KCNJ6: variants seen among roughly 807,000 people sequenced by gnomAD.
KCNJ6 encodes the protein G protein-activated inward rectifier potassium channel 2.
KCNJ6 carries 9 observed loss-of-function variants against 34.2 expected under a neutral mutation model. The observed-to-expected ratio is 0.26, with a 90% CI of 0.16 to 0.46. The LOEUF (loss-of-function observed/expected upper bound fraction) is 0.46, where lower values mean the gene tolerates loss of function less well. KCNJ6 is among the 20% of genes least tolerant of loss of function. The pLI is 1.00. For missense variants in KCNJ6, 236 were observed against 531.3 expected, an observed-to-expected ratio of 0.44 and a Z score of 5.46; for synonymous variants, 196 against 207.1, an observed-to-expected ratio of 0.95 and a Z score of 0.46.
chr21:37,870,789 G>C (rs1303511323), intron 1 of KCNJ6, among the ~76,000 whole-genome samples: 2 of 152,146 alleles, frequency 1.3e-5, no homozygotes, highest in Non-Finnish European at 2.9e-5. Context: ...ATCAAAGGGT[G>C]ATCTGATGAT....
intron 2 of KCNJ6, among the ~76,000 whole-genome samples, chr21:37,749,256 C>T (rs58940916): frequency 0.57 from 86,087 of 151,910 alleles, 24,812 homozygotes; most frequent in South Asian, 0.68. Flanking sequence ...GGAAGTAGCA[C>T]TGGCATCACT....
At chr21:37,914,846 G>T (rs1385574503) in intron 1 of KCNJ6, among the ~76,000 whole-genome samples, 2 of 151,984 alleles carry the variant, frequency 1.3e-5, no homozygotes, top group East Asian at 3.9e-4. Flanking sequence ...GACAGACTTT[G>T]GATAACAGCA....
intron 2 of KCNJ6, among the ~76,000 whole-genome samples, chr21:37,797,930 T>G (rs2055251281): frequency 6.6e-6 from 1 of 152,234 alleles, no homozygotes; most frequent in Non-Finnish European, 1.5e-5. Context: ...ACCTTTGGAT[T>G]TTTTGTAGGT....
At chr21:37,685,706 A>G (rs4817886) in intron 3 of KCNJ6, among the ~76,000 whole-genome samples, 13,316 of 50,944 alleles carry the variant, frequency 0.26, 4,067 homozygotes, top group African/African-American at 0.53. Context: ...AAAAAAAAAA[A>G]AATCTATCCT....
Position 37,607,482 on chromosome 21 carries a change from A to ATATATATATTTTTTT in KCNJ6, c.*17676_*17677insAAAAAAATATATATA. On this transcript the variant is annotated 3_prime_UTR_variant, in exon 4 of 4. Transcript: ENST00000609713. ...CTTAAAGATATATATATATATATAT[A>ATATATATATTTTTTT]TTTTTTTTTTATTTTAAAAAAATTT... 1.8e-4 allele frequency: 25 copies of ATATATATATTTTTTT among 136,760 alleles called. No homozygotes were observed. The highest frequency in any genetic ancestry group is 1.7e-3 in the South Asian group (7 of 4,158). The allele number at this position is 136,760 out of a possible 1,614,324, so 8.5% of individuals were successfully genotyped here. A position where few individuals can be genotyped will look rare whatever the true frequency, so the allele number is the denominator to read the frequency against.
At chr21:37,880,039 A>G (rs1002032026) in intron 1 of KCNJ6, among the ~76,000 whole-genome samples, 4 of 151,390 alleles carry the variant, frequency 2.6e-5, no homozygotes, top group Admixed American at 1.3e-4. Flanking sequence ...CAGGTGGATC[A>G]TTTGAGGTCA....
At chr21:37,819,160 G>A (rs2055362102) in intron 2 of KCNJ6, among the ~76,000 whole-genome samples, 1 of 152,008 alleles carries the variant, frequency 6.6e-6, no homozygotes, top group African/African-American at 2.4e-5. Context: ...AGTTTCTTCT[G>A]TTGTTCAGAA....
Position 37,748,257 on chromosome 21 carries a change from C to T in KCNJ6, c.26-33126G>A, listed in dbSNP as rs13051404. Among the ~76,000 whole-genome samples, 923 of 152,268 alleles carry T rather than the reference C, an allele frequency of 6.1e-3. 5 individuals carry two copies. Among genetic ancestry groups the T allele is most frequent in the Non-Finnish European group, 9.5e-3 (649 of 68,018 alleles). On this transcript the variant is annotated intron_variant, in intron 2 of 3. Coordinates refer to ENST00000609713, the MANE Select transcript of KCNJ6 (RefSeq NM_002240.5). ...AGGAAAATTAAGGGTTGTGATGTAT[C>T]TTGCACCTGAGGGTGGTGAGCAGAT... is the stretch of plus-strand genomic sequence containing the variant.
chr21:37,706,909 ATT>A (rs2054722719), intron 3 of KCNJ6, among the ~76,000 whole-genome samples: 1 of 152,260 alleles, frequency 6.6e-6, no homozygotes, highest in South Asian at 2.1e-4. Flanking sequence ...TAGAAATCAT[ATT>A]GTTTTCAAAT....
Position 37,814,669 on chromosome 21 carries a change from C to T in KCNJ6, c.25+25989G>A, listed in dbSNP as rs971915871. 3.3e-5 allele frequency among the ~76,000 whole-genome samples: 5 copies of T among 152,198 alleles called. No homozygotes were observed. The East Asian group carries it at 5.8e-4, about 18-fold the overall frequency. ...ATCTCAGCACTTTGGGAGGCCAAGG[C>T]GGGTGGATCACAAAGTCAAGAGATC... On this transcript the variant is annotated intron_variant, in intron 2 of 3. Coordinates refer to ENST00000609713, the MANE Select transcript of KCNJ6 (RefSeq NM_002240.5).
intron 2 of KCNJ6, among the ~76,000 whole-genome samples, chr21:37,829,735 C>T (rs1037478158): frequency 6.6e-6 from 1 of 152,124 alleles, no homozygotes; most frequent in Non-Finnish European, 1.5e-5. Flanking sequence ...CCCTGTGAAC[C>T]CATGCGAGAG....
chr21:37,734,424 A>C (rs908045213), intron 2 of KCNJ6, among the ~76,000 whole-genome samples: 1 of 152,144 alleles, frequency 6.6e-6, no homozygotes, highest in Non-Finnish European at 1.5e-5. Flanking sequence ...ACCAGCGAGG[A>C]GTTCTTGGAT....
In KCNJ6 at chr21:37,778,205, A is replaced by T. The variant is rs540858651; in HGVS notation, c.25+62453T>A. On this transcript the variant is annotated intron_variant, in intron 2 of 3. Transcript: ENST00000609713. ...GACACATGATGCTGACTAGGGTATGATTCTGTCCTCAGTCAGTTCTTACCA... is the reference window on the plus strand; with the variant it reads ...GACACATGATGCTGACTAGGGTATGTTTCTGTCCTCAGTCAGTTCTTACCA... Among the ~76,000 whole-genome samples, 145 of 152,294 alleles carry T rather than the reference A, an allele frequency of 9.5e-4. 1 individual carries two copies. The highest frequency in any genetic ancestry group is 1.3e-3 in the Non-Finnish European group (86 of 68,024).
At chr21:37,696,359 T>A (rs2054663437) in intron 3 of KCNJ6, among the ~76,000 whole-genome samples, 1 of 152,244 alleles carries the variant, frequency 6.6e-6, no homozygotes, top group Admixed American at 6.5e-5. Context: ...GCTGACCTTA[T>A]GTGCCTCCTG....
intron 2 of KCNJ6, among the ~76,000 whole-genome samples, chr21:37,769,412 T>TTTATTATTA (rs71198893): frequency 0.018 from 2,546 of 145,300 alleles, 83 homozygotes; most frequent in African/African-American, 0.06. Context: ...AGCCTTCAAT[T>TTTATTATTA]TTATTATTAT....
At chr21:37,784,734 C>G (rs16995494) in intron 2 of KCNJ6, among the ~76,000 whole-genome samples, 3,725 of 152,122 alleles carry the variant, frequency 0.024, 166 homozygotes, top group African/African-American at 0.085. Flanking sequence ...TCTGTGCCTG[C>G]CTGGCTCCTG....
rs181844465 is a variant in KCNJ6, at chr21:37,899,753, A to G, written c.-28+16131T>C. Among the ~76,000 whole-genome samples the G allele has an allele frequency of 7.2e-5, 11 of 152,322 alleles. No individual in the cohort carries two copies. In the East Asian group the frequency reaches 2.1e-3, roughly 29 times the overall value. On this transcript the variant is annotated intron_variant, in intron 1 of 3. Transcript: ENST00000609713. Reference sequence around the variant, plus strand: ...ACCTAACCTTGTGAACTTGGCTTCCAGTTCCCTACCTACAAAATGGGAAAA... The same window carrying G: ...ACCTAACCTTGTGAACTTGGCTTCCGGTTCCCTACCTACAAAATGGGAAAA...
intron 1 of KCNJ6, among the ~76,000 whole-genome samples, chr21:37,854,473 G>A (rs1464346851): frequency 6.6e-6 from 1 of 152,176 alleles, no homozygotes. Flanking sequence ...TGAGTAGAAC[G>A]GTAACCAGAA....
chr21:37,822,130 C>T (rs527427029), intron 2 of KCNJ6, among the ~76,000 whole-genome samples: 190 of 152,332 alleles, frequency 1.2e-3, no homozygotes, highest in African/African-American at 4.4e-3. Context: ...GAGCTAGCTT[C>T]CCAGAGTTGC....
Sources: allele counts gnomAD v4.1 joint callset (sites outside exome capture counted in the v4.1 genomes callset), GRCh38; gene constraint gnomAD v4.1.1; transcripts MANE v1.5; gene names NCBI Gene and HGNC (gene_info 2026-07-23, HGNC 2026-07-21).